Variants in NRXN3 observed in about 807,000 individuals in gnomAD.
NRXN3 encodes neurexin 3.
NRXN3 carries 32 observed loss-of-function variants against 137.6 expected under a neutral mutation model. The ratio of observed to expected loss-of-function variants is 0.23; its 90% CI spans 0.18 to 0.31. The LOEUF (loss-of-function observed/expected upper bound fraction) is 0.31, where lower values mean the gene tolerates loss of function less well. NRXN3 is among the 10% of genes least tolerant of loss of function. The pLI is 1.00. For missense variants in NRXN3, 1,574 were observed against 2,062.5 expected, an observed-to-expected ratio of 0.76 and a Z score of 4.59; for synonymous variants, 798 against 784.5, an observed-to-expected ratio of 1.02 and a Z score of -0.29.
chr14:79,212,318 A>G, intron 15 of NRXN3, among the ~76,000 whole-genome samples: 1 of 152,196 alleles, frequency 6.6e-6, no homozygotes, highest in East Asian at 1.9e-4. Flanking sequence ...CTTTGGAGAA[A>G]GACTGTGAAA....
intron 6 of NRXN3, among the ~76,000 whole-genome samples, chr14:78,674,112 G>A (rs2097970044): frequency 6.6e-6 from 1 of 152,148 alleles, no homozygotes; most frequent in South Asian, 2.1e-4. Context: ...TGGGACAGAA[G>A]CAGCTATTAT....
chr14:79,437,588 A>G (rs2095864928), intron 15 of NRXN3, among the ~76,000 whole-genome samples: 1 of 152,202 alleles, frequency 6.6e-6, no homozygotes, highest in African/African-American at 2.4e-5. Context: ...TCTCTAGGGT[A>G]GTAGAAAAGA....
chr14:79,121,636 T>A (rs1371041771), intron 15 of NRXN3, among the ~76,000 whole-genome samples: 1 of 152,220 alleles, frequency 6.6e-6, no homozygotes, highest in Non-Finnish European at 1.5e-5. Flanking sequence ...CCCTATATGC[T>A]GTGTGTGAAC....
chr14:78,640,978 A>G (rs985613089), intron 4 of NRXN3, among the ~76,000 whole-genome samples: 1 of 152,232 alleles, frequency 6.6e-6, no homozygotes, highest in Non-Finnish European at 1.5e-5. Context: ...ACTGTATTAC[A>G]TAATCCCCTG....
rs111450794 is a variant in NRXN3, at chr14:79,156,884, T to C, written c.3262+168743T>C. Among the ~76,000 whole-genome samples, 258 of 151,974 alleles carry C rather than the reference T, an allele frequency of 1.7e-3. 1 individual carries two copies. Among genetic ancestry groups the C allele is most frequent in the African/African-American group, 5.6e-3 (234 of 41,528 alleles). Reference sequence around the variant, plus strand: ...ACATAGTGGGTCATATACTTCTTCATTGTGAATGGCTGTCCTCTGCATGGT... The same window carrying C: ...ACATAGTGGGTCATATACTTCTTCACTGTGAATGGCTGTCCTCTGCATGGT... On this transcript the variant is annotated intron_variant, in intron 15 of 20. Transcript: ENST00000335750.
At chr14:79,092,611 CA>C (rs2049420474) in intron 15 of NRXN3, among the ~76,000 whole-genome samples, 1 of 152,140 alleles carries the variant, frequency 6.6e-6, no homozygotes, top group Non-Finnish European at 1.5e-5. Context: ...CATTTAAATT[CA>C]AAGTCAAATA....
chr14:79,128,374 T>C (rs1204685886), intron 15 of NRXN3, among the ~76,000 whole-genome samples: 3 of 146,552 alleles, frequency 2.0e-5, no homozygotes, highest in Non-Finnish European at 4.5e-5. Flanking sequence ...TTATTGAGAG[T>C]TTTTAGCATG....
intron 20 of NRXN3, among the ~76,000 whole-genome samples, chr14:79,829,724 AAGTG>A (rs1384463508): frequency 6.6e-6 from 1 of 152,166 alleles, no homozygotes; most frequent in Non-Finnish European, 1.5e-5. Flanking sequence ...AAGAGATTGC[AAGTG>A]AGTATCTTTT....
intron 15 of NRXN3, among the ~76,000 whole-genome samples, chr14:79,230,642 C>G (rs1396937267): frequency 6.6e-6 from 1 of 152,120 alleles, no homozygotes; most frequent in Non-Finnish European, 1.5e-5. Flanking sequence ...CACAAAGGAG[C>G]ATTTCTTATT....
At chr14:78,229,387 G>A (rs758394051) in intron 1 of NRXN3, among the ~76,000 whole-genome samples, 4 of 151,748 alleles carry the variant, frequency 2.6e-5, no homozygotes, top group Non-Finnish European at 5.9e-5. Flanking sequence ...TGCCACTTCC[G>A]CCACCGTCCA....
chr14:79,321,020 C>T (rs773550425), intron 15 of NRXN3, among the ~76,000 whole-genome samples: 10 of 151,960 alleles, frequency 6.6e-5, no homozygotes, highest in Admixed American at 2.0e-4. Flanking sequence ...CACATCTGAG[C>T]GATTTTGTAA....
chr14:78,547,247 C>T (rs2096645174), intron 4 of NRXN3, among the ~76,000 whole-genome samples: 1 of 151,630 alleles, frequency 6.6e-6, no homozygotes. Context: ...CTCTCTGTCG[C>T]CCAGCCTGGA....
intron 15 of NRXN3, among the ~76,000 whole-genome samples, chr14:79,000,210 A>T (rs1252454527): frequency 6.6e-6 from 1 of 151,836 alleles, no homozygotes; most frequent in Non-Finnish European, 1.5e-5. Context: ...CTAAAACTGC[A>T]GTTTTACTCA....
intron 3 of NRXN3, among the ~76,000 whole-genome samples, chr14:78,295,564 C>T (rs61976018): frequency 0.03 from 4,537 of 152,134 alleles, 82 homozygotes; most frequent in African/African-American, 0.047. Context: ...ATTTAATTTA[C>T]CAAAATTTGA....
At chr14:79,600,433 A>C (rs1474774644) in intron 16 of NRXN3, among the ~76,000 whole-genome samples, 1 of 152,220 alleles carries the variant, frequency 6.6e-6, no homozygotes, top group Non-Finnish European at 1.5e-5. Flanking sequence ...GGCCTGAAGG[A>C]GAAAGTATCA....
chr14:79,688,520 T>G (rs11848654), intron 17 of NRXN3, among the ~76,000 whole-genome samples: 15,631 of 152,242 alleles, frequency 0.1, 994 homozygotes, highest in South Asian at 0.18. Context: ...AATAATTGTA[T>G]TCCTTGGAGA....
At chr14:79,661,999 A>C (rs572850237) in intron 16 of NRXN3, among the ~76,000 whole-genome samples, 51 of 152,214 alleles carry the variant, frequency 3.4e-4, no homozygotes, top group South Asian at 1.0e-3. Context: ...TGTTCTCATG[A>C]TAGTGAGTGA....
chr14:78,385,749 G>A (rs1347531465), intron 4 of NRXN3, among the ~76,000 whole-genome samples: 1 of 152,142 alleles, frequency 6.6e-6, no homozygotes, highest in Non-Finnish European at 1.5e-5. Flanking sequence ...TTCTTTCTTA[G>A]TACCACACCC....
At chr14:79,368,363 A>G (rs1008287735) in intron 15 of NRXN3, among the ~76,000 whole-genome samples, 12 of 152,322 alleles carry the variant, frequency 7.9e-5, no homozygotes, top group African/African-American at 2.9e-4. Flanking sequence ...CTTATTAAAT[A>G]CCTACTTTTT....
Sources: gnomAD v4.1 joint callset for allele counts (sites outside exome capture counted in the v4.1 genomes callset) on GRCh38, gnomAD v4.1.1 for gene constraint, MANE v1.5 for transcripts, NCBI Gene and HGNC (gene_info 2026-07-23, HGNC 2026-07-21) for gene names.